Variants in ZSWIM8 observed in about 807,000 individuals in gnomAD.
ZSWIM8 encodes zinc finger SWIM domain-containing protein 8.
Under a neutral mutation model 173.7 loss-of-function variants are expected in ZSWIM8, and 27 were observed. The observed-to-expected ratio is 0.16, with a 90% CI of 0.11 to 0.21. ZSWIM8 has a LOEUF of 0.21. Ranked by LOEUF, ZSWIM8 falls within the 10% of genes least tolerant of loss-of-function variation. ZSWIM8 has a pLI of 1.00. For synonymous variants in ZSWIM8, 958 were observed against 962.0 expected, an observed-to-expected ratio of 1.00 and a Z score of 0.08; for missense variants, 1,627 against 2,428.8, an observed-to-expected ratio of 0.67 and a Z score of 6.94.
In ZSWIM8 at chr10:73,801,581, CAG is replaced by C. The variant is rs1179064117; in HGVS notation, c.*63_*64del. Reference sequence around the variant, plus strand: ...CCTGTGGCTATGGGGGCCCCTCACACAGGGGGAGTGAAACTTGGCTGGACAGA... The same window carrying C: ...CCTGTGGCTATGGGGGCCCCTCACACGGGGAGTGAAACTTGGCTGGACAGA... On this transcript the variant is annotated 3_prime_UTR_variant, in exon 26 of 26. Coordinates refer to ENST00000604729, the MANE Select transcript of ZSWIM8 (RefSeq NM_001367799.1). This position sits in a 1 kb window ranked among gnomAD's most constrained non-coding sequence, Gnocchi z 4.9. 3 of 1,582,420 alleles carry C rather than the reference CAG, an allele frequency of 1.9e-6. No individual in the cohort carries two copies. Among genetic ancestry groups the C allele is most frequent in the Non-Finnish European group, 2.6e-6 (3 of 1,167,150 alleles).
intron 6 of ZSWIM8, 55 bp downstream of exon 6, chr10:73,790,092 G>C: frequency 6.2e-7 from 1 of 1,610,186 alleles, no homozygotes; most frequent in Non-Finnish European, 8.5e-7. Context: ...GTAGTACAGA[G>C]CGCCATTTAC....
rs777378261 is a variant in ZSWIM8 at position 73,800,176 on chromosome 10, T to C, written c.4825+6T>C. On this transcript the variant is annotated splice_donor_region_variant and intron_variant, in intron 22 of 25. Transcript: ENST00000604729. This position sits in a 1 kb window ranked among gnomAD's most constrained non-coding sequence, Gnocchi z 4.1. ...ACTGCCCACCAGTGTGGCCTGTGAGTTGTGGGGCCAGGGAACAGGTGAATG... is the reference window on the plus strand; with the variant it reads ...ACTGCCCACCAGTGTGGCCTGTGAGCTGTGGGGCCAGGGAACAGGTGAATG... The C allele has an allele frequency of 3.2e-5, 51 of 1,613,326 alleles. No individual in the cohort carries two copies. Among genetic ancestry groups the C allele is most frequent in the Non-Finnish European group, 5.1e-6 (6 of 1,179,774 alleles).
Position 73,795,557 on chromosome 10 carries a change from G to A in ZSWIM8, c.2927G>A (p.Ser976Asn). The change falls in exon 15 of 26, where the codon AGC (serine) becomes AAC (asparagine). Residue 976 changes from serine (S) to asparagine (N), a missense_variant. By Grantham distance (46) the Ser-to-Asn change is conservative. Coordinates refer to ENST00000604729, the MANE Select transcript of ZSWIM8 (RefSeq NM_001367799.1). ...VAALGMKTTV[S>N]EAEHPLLCEG... ...CTCGCAGGCATGAAGACAACAGTGA[G>A]CGAGGCAGAACATCCCCTCTTATGT... is the stretch of plus-strand genomic sequence containing the variant. 6.2e-7 allele frequency: 1 copy of A among 1,613,962 alleles called. No individual in the cohort carries two copies. The highest frequency in any genetic ancestry group is 2.2e-5 in the East Asian group (1 of 44,880).
At chr10:73,790,127 A>T in intron 6 of ZSWIM8, 45 bp from the exon 7 acceptor site, 2 of 1,611,304 alleles carry the variant, frequency 1.2e-6, no homozygotes, top group Non-Finnish European at 8.5e-7. Context: ...TGTCAGGCAA[A>T]TCCAGGCCCC....
chr10:73,795,962 C>CAAAAAAA, intron 15 of ZSWIM8, among the ~76,000 whole-genome samples: 1 of 58,802 alleles, frequency 1.7e-5, no homozygotes, highest in Non-Finnish European at 3.3e-5. Flanking sequence ...GACCCTGTTT[C>CAAAAAAA]AAAAAAAAAA....
In ZSWIM8 at chr10:73,796,764, T is replaced by C. The variant is rs2083681403; in HGVS notation, c.3034-10T>C. ...CTGCTTCTCTGGAGGTCACTGCTTC[T>C]GTCTTCCAGATCTTAGACAAACTCT... On this transcript the variant is annotated splice_polypyrimidine_tract_variant and intron_variant, in intron 15 of 25. Transcript: ENST00000604729. 6.2e-7 allele frequency: 1 copy of C among 1,611,922 alleles called. No individual in the cohort carries two copies. The highest frequency in any genetic ancestry group is 8.5e-7 in the Non-Finnish European group (1 of 1,179,744).
At chr10:73,793,565 C>T in intron 10 of ZSWIM8, 23 bp from the exon 11 acceptor site, 1 of 1,556,412 alleles carries the variant, frequency 6.4e-7, no homozygotes, top group Non-Finnish European at 8.7e-7. Context: ...TTTAACCTGT[C>T]TGGTCCCATG....
rs768154048 is a variant in ZSWIM8 at position 73,799,446 on chromosome 10, C to G, written c.4621C>G (p.Pro1541Ala). 6 of 1,602,414 alleles carry G rather than the reference C, an allele frequency of 3.7e-6. No homozygotes were observed. The highest frequency in any genetic ancestry group is 5.1e-6 in the Non-Finnish European group (6 of 1,174,544). Residue 1541 changes from proline (P) to alanine (A), a missense_variant, in exon 21 of 26, where the codon CCC (proline) becomes GCC (alanine). Transcript: ENST00000604729. ...AHPAHPMPHMPRPAVFPVPSS... is the reference protein window; with the variant it reads ...AHPAHPMPHMARPAVFPVPSS... ...CCCTGCCCACCCCATGCCTCACATG[C>G]CCCGGCCTGCCGTCTTCCCTGTGCC...
At chr10:73,788,354 G>A (rs2083296091) in intron 1 of ZSWIM8, among the ~76,000 whole-genome samples, 1 of 152,194 alleles carries the variant, frequency 6.6e-6, no homozygotes, top group Admixed American at 6.5e-5. Context: ...TGAGCCATGT[G>A]AGCAGGGTTA....
Position 73,793,665 on chromosome 10 carries a change from C to G in ZSWIM8, c.2391C>G (p.Ala797=), listed in dbSNP as rs1284909284. ...SEASRLTVEL[A]QDLLANPPDL... is the part of the protein sequence containing the mutation. ...CCTCCCGTCTCACTGTGGAGCTTGC[C>G]CAGGATCTGCTAGCCAACCCACCCG... Residue 797 remains alanine, a synonymous_variant, in exon 11 of 26, where the codon GCC becomes GCG. Coordinates refer to ENST00000604729, the MANE Select transcript of ZSWIM8 (RefSeq NM_001367799.1). 3.1e-6 allele frequency: 5 copies of G among 1,613,540 alleles called. No homozygotes were observed. The highest frequency in any genetic ancestry group is 1.6e-4 in the Middle Eastern group (1 of 6,084).
chr10:73,799,632 CTAAAA>C, intron 21 of ZSWIM8, 142 bp downstream of exon 21: 1 of 1,209,372 alleles, frequency 8.3e-7, no homozygotes, highest in Non-Finnish European at 1.2e-6. Context: ...CCCAGCCCAA[CTAAAA>C]TAAGAAATGA....
Position 73,789,674 on chromosome 10 carries a change from A to C in ZSWIM8, c.631-43A>C. ...TGTCCCCCAGCTCCAGCTCCAGCAA[A>C]CCTGTTCTCAGATTGTTCCATTTTT... On this transcript the variant is annotated intron_variant, in intron 4 of 25. Transcript: ENST00000604729. This position sits in a 1 kb window ranked among gnomAD's most constrained non-coding sequence, Gnocchi z 6.8. The C allele has an allele frequency of 6.4e-7, 1 of 1,559,692 alleles. No homozygotes were observed.
chr10:73,791,872 T>A lies in ZSWIM8; in HGVS notation c.1333T>A (p.Cys445Ser), dbSNP rs1194659423. Residue 445 changes from cysteine to serine, a missense_variant, in exon 10 of 26, where the codon TGT becomes AGT. Transcript: ENST00000604729. This position sits in a 1 kb window ranked among gnomAD's most constrained non-coding sequence, Gnocchi z 6.0. ...ALSPQRRREL[C>S]TQLRQWQLKV... ...TTGTTCCCACAGGCGCCGGGAACTGTGTACGCAGCTGCGGCAGTGGCAACT... is the reference window on the plus strand; with the variant it reads ...TTGTTCCCACAGGCGCCGGGAACTGAGTACGCAGCTGCGGCAGTGGCAACT... 6.5e-7 allele frequency: 1 copy of A among 1,530,124 alleles called. No homozygotes were observed. The highest frequency in any genetic ancestry group is 1.2e-5 in the South Asian group (1 of 81,022). The allele number at this position is 1,530,124 out of a possible 1,614,324, so 94.8% of individuals were successfully genotyped here.
intron 21 of ZSWIM8, 99 bp from the exon 22 acceptor site, chr10:73,799,912 C>CTA: frequency 2.9e-6 from 3 of 1,032,226 alleles, no homozygotes; most frequent in Non-Finnish European, 4.2e-6. Context: ...GACTCTATCT[C>CTA]AAAAAAAACA....
chr10:73,795,856 G>A (rs1242932880), intron 15 of ZSWIM8, among the ~76,000 whole-genome samples, 193 bp downstream of exon 15: 6 of 151,780 alleles, frequency 4.0e-5, no homozygotes, highest in East Asian at 1.9e-4. Flanking sequence ...CCAGCTACTC[G>A]GGAGGCTGAG....
chr10:73,789,871 C>T lies in ZSWIM8; in HGVS notation c.738+47C>T, dbSNP rs764787706. ...TCCTGCAATTAGCTCCGGGCCAGGC[C>T]GCATAACAGCCTTCCTGTTAGGCCC... On this transcript the variant is annotated intron_variant, in intron 5 of 25. Coordinates refer to ENST00000604729, the MANE Select transcript of ZSWIM8 (RefSeq NM_001367799.1). The surrounding 1 kb of genome is among the most constrained non-coding windows in gnomAD (Gnocchi z 6.8). The T allele has an allele frequency of 1.4e-5, 22 of 1,580,698 alleles. No homozygotes were observed. Among genetic ancestry groups the T allele is most frequent in the South Asian group, 8.0e-5 (7 of 87,278 alleles).
chr10:73,790,207 A>G lies in ZSWIM8; in HGVS notation c.856A>G (p.Thr286Ala). Residue 286 changes from threonine to alanine, a missense_variant, in exon 7 of 26, where the codon ACT becomes GCT. Physicochemically the swap from Thr to Ala is moderately conservative, Grantham distance 58. Coordinates refer to ENST00000604729, the MANE Select transcript of ZSWIM8 (RefSeq NM_001367799.1). ...TAGPSASDQS[T>A]WYLDESTLTD... ...AGGGCCCTCAGCATCGGACCAGAGT[A>G]CTTGGTATCTGGATGAATCGACACT... is the stretch of plus-strand genomic sequence containing the variant. The G allele has an allele frequency of 6.2e-7, 1 of 1,613,670 alleles. No individual in the cohort carries two copies. The highest frequency in any genetic ancestry group is 1.1e-5 in the South Asian group (1 of 91,002).
rs1047564737 is a variant in ZSWIM8 at position 73,797,139 on chromosome 10, G to A, written c.3301G>A (p.Gly1101Ser). ...PESSPHSPCE[G>S]LPSEAALTPR... ...GAGTTCCCCACATTCCCCCTGTGAG[G>A]GTCTTCCATCTGAGGCAGCTTTGAC... is the stretch of plus-strand genomic sequence containing the variant. The change falls in exon 17 of 26, where the codon GGT becomes AGT. Residue 1101 changes from glycine to serine, a missense_variant. Physicochemically the swap from Gly to Ser is moderately conservative, Grantham distance 56. Coordinates refer to ENST00000604729, the MANE Select transcript of ZSWIM8 (RefSeq NM_001367799.1). This position sits in a 1 kb window ranked among gnomAD's most constrained non-coding sequence, Gnocchi z 5.6. 6.2e-7 allele frequency: 1 copy of A among 1,613,698 alleles called. No homozygotes were observed. The highest frequency in any genetic ancestry group is 8.5e-7 in the Non-Finnish European group (1 of 1,179,756).
At position 73,789,023 on chromosome 10, in the gene ZSWIM8, C is replaced by A; in HGVS notation, c.363-73C>A. ...GAGGCTAGGGAGAGAGTGCCTAGGG[C>A]ATTGTGGTCTCTGACAGGGTCTGCC... On this transcript the variant is annotated intron_variant, in intron 2 of 25. Coordinates refer to ENST00000604729, the MANE Select transcript of ZSWIM8 (RefSeq NM_001367799.1). This position sits in a 1 kb window ranked among gnomAD's most constrained non-coding sequence, Gnocchi z 6.8. 2 of 1,234,870 alleles carry A rather than the reference C, an allele frequency of 1.6e-6. No individual in the cohort carries two copies. Among genetic ancestry groups the A allele is most frequent in the Non-Finnish European group, 2.2e-6 (2 of 896,800 alleles). 76.5% of individuals were successfully genotyped at this position (1,234,870 alleles called of 1,614,324 possible). A position where few individuals can be genotyped will look rare whatever the true frequency, so the allele number is the denominator to read the frequency against.
Sources: allele counts gnomAD v4.1 joint callset (sites outside exome capture counted in the v4.1 genomes callset), GRCh38; gene constraint gnomAD v4.1.1; non-coding constraint Gnocchi (gnomAD v3.1); transcripts MANE v1.5; gene names NCBI Gene and HGNC (gene_info 2026-07-23, HGNC 2026-07-21).